Variants in RSU1 observed in about 807,000 individuals in gnomAD.
RSU1 encodes the protein rsu-1.
In RSU1, 26 loss-of-function variants were observed where a neutral mutation model predicts 31.1. That is an observed-to-expected ratio of 0.84 (90% confidence interval 0.61 to 1.16). The LOEUF (loss-of-function observed/expected upper bound fraction) is 1.16. RSU1 is among the 50% of genes most tolerant of loss of function. RSU1 has a pLI of 0.00. For synonymous variants in RSU1, 164 were observed against 136.3 expected (o/e 1.20, Z -1.41); for missense variants, 320 against 339.1 (o/e 0.94, Z 0.44).
intron 7 of RSU1, among the ~76,000 whole-genome samples, chr10:16,704,059 A>C (rs995629405): frequency 2.6e-5 from 4 of 152,202 alleles, no homozygotes; most frequent in Non-Finnish European, 2.9e-5. Flanking sequence ...ACCACACTCT[A>C]AAAGAAAATC....
At chr10:16,673,212 TAGG>T (rs1359850807) in intron 8 of RSU1, among the ~76,000 whole-genome samples, 3 of 151,432 alleles carry the variant, frequency 2.0e-5, no homozygotes, top group African/African-American at 7.3e-5. Context: ...CGGTACCTGG[TAGG>T]ACTCAGAGAC....
intron 8 of RSU1, among the ~76,000 whole-genome samples, chr10:16,685,338 A>T (rs1045744693): frequency 6.6e-6 from 1 of 152,206 alleles, no homozygotes; most frequent in African/African-American, 2.4e-5. Context: ...GAATTCTTGG[A>T]TCTCACACAA....
chr10:16,733,558 G>A (rs1252242400), intron 7 of RSU1, among the ~76,000 whole-genome samples: 1 of 152,020 alleles, frequency 6.6e-6, no homozygotes, highest in Non-Finnish European at 1.5e-5. Flanking sequence ...TCAAAGTGGT[G>A]TTTGCTATAG....
chr10:16,670,761 C>T (rs1487708795), intron 8 of RSU1, among the ~76,000 whole-genome samples: 1 of 152,028 alleles, frequency 6.6e-6, no homozygotes, highest in Non-Finnish European at 1.5e-5. Flanking sequence ...CCATGGATAG[C>T]GCCACAGAAC....
At chr10:16,614,040 T>A (rs1044413024) in intron 8 of RSU1, among the ~76,000 whole-genome samples, 4 of 152,056 alleles carry the variant, frequency 2.6e-5, no homozygotes, top group African/African-American at 4.8e-5. Context: ...AAATAAAAGT[T>A]CAAAACATGG....
chr10:16,739,466 CTTTTTTTTTTTTT>C (rs35664560), intron 7 of RSU1, among the ~76,000 whole-genome samples: 4 of 94,242 alleles, frequency 4.2e-5, no homozygotes, highest in South Asian at 4.0e-4. Context: ...CATTTTCTTC[CTTTTTTTTTTTTT>C]TTTTTTTTTG....
rs116926064 is a variant in RSU1, at chr10:16,666,543, C to T, written c.731+28480G>A. Reference sequence around the variant, plus strand: ...CTGTAATCCCAGCACTTTGGGAGGCCGAGGCAGGTGGATCACATAGTGTTT... The same window carrying T: ...CTGTAATCCCAGCACTTTGGGAGGCTGAGGCAGGTGGATCACATAGTGTTT... On this transcript the variant is annotated intron_variant, in intron 8 of 8. Transcript: ENST00000345264. Among the ~76,000 whole-genome samples the T allele has an allele frequency of 1.4e-3, 212 of 151,606 alleles. 8 individuals carry two copies. The East Asian group carries it at 0.035, about 25-fold the overall frequency.
chr10:16,652,927 C>T (rs564050373), intron 8 of RSU1, among the ~76,000 whole-genome samples: 1 of 152,024 alleles, frequency 6.6e-6, no homozygotes, highest in Non-Finnish European at 1.5e-5. Context: ...GATCTGCTTG[C>T]CTCAGCCTCC....
chr10:16,697,987 CTTTTTTTTTTT>C (rs67816326), intron 7 of RSU1, among the ~76,000 whole-genome samples: 11 of 99,582 alleles, frequency 1.1e-4, no homozygotes, highest in African/African-American at 3.9e-4. Context: ...AGGAACACAC[CTTTTTTTTTTT>C]TTTTTTTTTT....
rs117350913 is a variant in RSU1 at position 16,758,672 on chromosome 10, C to T, written c.282-3683G>A. Among the ~76,000 whole-genome samples the T allele has an allele frequency of 7.9e-5, 12 of 152,296 alleles. No homozygotes were observed. The East Asian group carries it at 2.3e-3, about 29-fold the overall frequency. On this transcript the variant is annotated intron_variant, in intron 4 of 8. Coordinates refer to ENST00000345264, the MANE Select transcript of RSU1 (RefSeq NM_012425.4). ...AGAAAATATCCGAAGCACCCAACAC[C>T]CAATCCATGGCTCACACGTGGCTTC...
At chr10:16,802,209 C>T (rs111951018) in intron 2 of RSU1, among the ~76,000 whole-genome samples, 47,099 of 147,314 alleles carry the variant, frequency 0.32, 9,715 homozygotes, top group African/African-American at 0.6. Flanking sequence ...AAAAAAAGAA[C>T]GAACAAATTA....
At chr10:16,746,940 T>G (rs1836867167) in intron 7 of RSU1, among the ~76,000 whole-genome samples, 1 of 152,118 alleles carries the variant, frequency 6.6e-6, no homozygotes, top group Admixed American at 6.6e-5. Context: ...ATATTTCAAT[T>G]ATGTGCATTC....
intron 8 of RSU1, among the ~76,000 whole-genome samples, chr10:16,654,557 C>T (rs1349599655): frequency 6.6e-6 from 1 of 151,388 alleles, no homozygotes; most frequent in East Asian, 2.0e-4. Context: ...GTAATCCCAA[C>T]TACTTGGGAG....
intron 7 of RSU1, among the ~76,000 whole-genome samples, chr10:16,721,188 GA>G (rs749219734): frequency 1.3e-5 from 2 of 152,154 alleles, no homozygotes; most frequent in Non-Finnish European, 2.9e-5. Flanking sequence ...ACAGGCTCTT[GA>G]CCCAGTGTAG....
chr10:16,611,422 T>C (rs1169322327), intron 8 of RSU1, among the ~76,000 whole-genome samples: 1 of 152,172 alleles, frequency 6.6e-6, no homozygotes, highest in African/African-American at 2.4e-5. Context: ...TGTTGAGGAA[T>C]TTTTTTCCCA....
At chr10:16,722,716 C>T (rs376215674) in intron 7 of RSU1, among the ~76,000 whole-genome samples, 53 of 151,978 alleles carry the variant, frequency 3.5e-4, no homozygotes, top group African/African-American at 1.2e-3. Context: ...GAAAAGCAAG[C>T]TATCTGTCTT....
At chr10:16,736,717 A>G (rs952092367) in intron 7 of RSU1, among the ~76,000 whole-genome samples, 3 of 152,160 alleles carry the variant, frequency 2.0e-5, no homozygotes, top group African/African-American at 7.2e-5. Flanking sequence ...AAAATCCATC[A>G]ATGCAAACAG....
intron 8 of RSU1, among the ~76,000 whole-genome samples, chr10:16,615,844 A>C (rs1833966867): frequency 6.6e-6 from 1 of 152,230 alleles, no homozygotes; most frequent in African/African-American, 2.4e-5. Context: ...AAGAGACGAC[A>C]TATCAGAATC....
intron 7 of RSU1, among the ~76,000 whole-genome samples, chr10:16,728,495 T>C (rs1836440584): frequency 6.6e-6 from 1 of 152,146 alleles, no homozygotes; most frequent in African/African-American, 2.4e-5. Flanking sequence ...CATAGGCCCA[T>C]CATGAAGCAG....
Sources: gnomAD v4.1 joint callset for allele counts (sites outside exome capture counted in the v4.1 genomes callset) on GRCh38, gnomAD v4.1.1 for gene constraint, MANE v1.5 for transcripts, NCBI Gene and HGNC (gene_info 2026-07-23, HGNC 2026-07-21) for gene names.